The following SPATA16 variants were observed in gnomAD, a reference collection of about 807,000 sequenced individuals.
The protein encoded by SPATA16 is spermatogenesis-associated protein 16.
Under a neutral mutation model 63.3 loss-of-function variants are expected in SPATA16, and 36 were observed. That is an observed-to-expected ratio of 0.57 (90% CI 0.44 to 0.75). SPATA16 has a LOEUF of 0.75. SPATA16 is among the 30% of genes least tolerant of loss of function. The pLI is 0.00. For synonymous variants in SPATA16, 203 were observed against 216.7 expected, an observed-to-expected ratio of 0.94 and a Z score of 0.56; for missense variants, 646 against 679.3, an observed-to-expected ratio of 0.95 and a Z score of 0.54.
At chr3:173,039,099 CT>C (rs568385005) in intron 3 of SPATA16, among the ~76,000 whole-genome samples, 13 of 149,062 alleles carry the variant, frequency 8.7e-5, no homozygotes, top group Admixed American at 2.7e-4. Context: ...CAATCTAGAA[CT>C]TTTTTTTTTA....
At chr3:173,046,786 T>C (rs1735966345) in intron 3 of SPATA16, among the ~76,000 whole-genome samples, 1 of 151,980 alleles carries the variant, frequency 6.6e-6, no homozygotes, top group African/African-American at 2.4e-5. Flanking sequence ...AAATCTAAGA[T>C]CTTTCAAGAT....
chr3:173,065,695 G>C (rs1001128312), intron 2 of SPATA16, among the ~76,000 whole-genome samples: 1 of 152,176 alleles, frequency 6.6e-6, no homozygotes, highest in Non-Finnish European at 1.5e-5. Context: ...GTGTGCTTGC[G>C]GGAGGGAAAG....
At chr3:172,952,454 T>A (rs1221551934) in intron 6 of SPATA16, among the ~76,000 whole-genome samples, 2 of 152,152 alleles carry the variant, frequency 1.3e-5, no homozygotes, top group Non-Finnish European at 2.9e-5. Context: ...TTTTGCAGCC[T>A]CTTTCCATGC....
intron 2 of SPATA16, among the ~76,000 whole-genome samples, chr3:173,051,935 C>G (rs1459479524): frequency 1.3e-5 from 2 of 151,980 alleles, no homozygotes; most frequent in Admixed American, 6.6e-5. Flanking sequence ...CCTCAGCCGC[C>G]CAAGTAACTA....
At chr3:172,954,157 T>C (rs576205566) in intron 6 of SPATA16, among the ~76,000 whole-genome samples, 1 of 152,306 alleles carries the variant, frequency 6.6e-6, no homozygotes, top group East Asian at 1.9e-4. Flanking sequence ...GACTGGATAA[T>C]TTATAAAGGA....
At chr3:172,926,254 T>C (rs1732731413) in intron 6 of SPATA16, among the ~76,000 whole-genome samples, 1 of 152,236 alleles carries the variant, frequency 6.6e-6, no homozygotes, top group Non-Finnish European at 1.5e-5. Context: ...ATCCTTCATC[T>C]AGCCATAGGA....
At chr3:172,976,754 G>C (rs1734169134) in intron 5 of SPATA16, among the ~76,000 whole-genome samples, 1 of 152,072 alleles carries the variant, frequency 6.6e-6, no homozygotes, top group African/African-American at 2.4e-5. Flanking sequence ...TTGTAAAACT[G>C]AAGTATGGGC....
intron 6 of SPATA16, among the ~76,000 whole-genome samples, chr3:172,933,161 C>T (rs1312313924): frequency 6.6e-6 from 1 of 152,172 alleles, no homozygotes; most frequent in Non-Finnish European, 1.5e-5. Flanking sequence ...ATATTAAATA[C>T]AAACATTAAA....
chr3:173,062,044 A>AT lies in SPATA16; in HGVS notation c.613-12951dup, dbSNP rs10618031. On this transcript the variant is annotated intron_variant, in intron 2 of 10. Transcript: ENST00000351008. ...TTTGTTAAAATAGCTGTGCTTCAAC[A>AT]TTTTTTTTTTTTTTTTTTTTTTTGC... Among the ~76,000 whole-genome samples, 1,104 of 115,492 alleles carry AT rather than the reference A, an allele frequency of 9.6e-3. 11 individuals are homozygous for AT. The highest frequency in any genetic ancestry group is 0.014 in the Non-Finnish European group (808 of 58,386). The allele number at this position is 115,492 out of a possible 152,430, so 75.8% of individuals were successfully genotyped here.
At chr3:172,889,838 A>G in intron 10 of SPATA16, 146 bp from the exon 11 acceptor site, 1 of 1,172,948 alleles carries the variant, frequency 8.5e-7, no homozygotes, top group Non-Finnish European at 1.2e-6. Flanking sequence ...GATTACACAT[A>G]AAAGCCTTCT....
At chr3:172,970,353 T>C (rs1313471683) in intron 5 of SPATA16, among the ~76,000 whole-genome samples, 1 of 152,186 alleles carries the variant, frequency 6.6e-6, no homozygotes, top group Non-Finnish European at 1.5e-5. Flanking sequence ...CTTATTCTTA[T>C]AGAATTCTGC....
intron 2 of SPATA16, among the ~76,000 whole-genome samples, chr3:173,071,218 GT>G (rs1430585815): frequency 6.6e-6 from 1 of 152,126 alleles, no homozygotes; most frequent in Non-Finnish European, 1.5e-5. Flanking sequence ...GTAAAGGATG[GT>G]CTCTTCAATA....
intron 6 of SPATA16, among the ~76,000 whole-genome samples, chr3:172,949,681 T>A (rs1197129683): frequency 1.3e-5 from 2 of 152,048 alleles, no homozygotes; most frequent in African/African-American, 4.8e-5. Context: ...GAGAACTCCG[T>A]CGCCTGCTAA....
intron 4 of SPATA16, among the ~76,000 whole-genome samples, chr3:173,013,507 T>C (rs1457543632): frequency 1.3e-5 from 2 of 152,226 alleles, no homozygotes; most frequent in Non-Finnish European, 2.9e-5. Context: ...TTGACTTTTA[T>C]ACACACTTTA....
intron 2 of SPATA16, among the ~76,000 whole-genome samples, chr3:173,108,030 A>T (rs1159008853): frequency 6.6e-6 from 1 of 152,174 alleles, no homozygotes; most frequent in African/African-American, 2.4e-5. Flanking sequence ...TATATTTAAA[A>T]ATTTCATTAA....
chr3:172,988,718 C>G (rs1734509051), intron 4 of SPATA16, among the ~76,000 whole-genome samples: 1 of 152,192 alleles, frequency 6.6e-6, no homozygotes, highest in Admixed American at 6.5e-5. Flanking sequence ...CTCACTGCAA[C>G]CTCCGCCTCC....
At chr3:173,119,250 C>T (rs531826338) in intron 1 of SPATA16, among the ~76,000 whole-genome samples, 1 of 152,230 alleles carries the variant, frequency 6.6e-6, no homozygotes, top group South Asian at 2.1e-4. Context: ...CTGCAGGAAA[C>T]CACCATGGCA....
intron 4 of SPATA16, among the ~76,000 whole-genome samples, chr3:172,999,165 G>T (rs1734759825): frequency 6.6e-6 from 1 of 152,002 alleles, no homozygotes; most frequent in Non-Finnish European, 1.5e-5. Context: ...ACCCATTTTG[G>T]CTGGATGCTT....
intron 3 of SPATA16, among the ~76,000 whole-genome samples, chr3:173,029,518 C>A (rs956798693): frequency 5.3e-5 from 8 of 151,402 alleles, no homozygotes; most frequent in Non-Finnish European, 1.2e-4. Context: ...CCTTCACATG[C>A]ACTAGGTTGT....
Sources: gnomAD v4.1 joint callset for allele counts (sites outside exome capture counted in the v4.1 genomes callset) on GRCh38, gnomAD v4.1.1 for gene constraint, MANE v1.5 for transcripts, NCBI Gene and HGNC (gene_info 2026-07-23, HGNC 2026-07-21) for gene names.